The following GRIK1 variants were observed in gnomAD, a reference collection of about 807,000 sequenced individuals.
The protein encoded by GRIK1 is glutamate receptor ionotropic, kainate 1.
GRIK1 carries 69 observed loss-of-function variants against 105.7 expected under a neutral mutation model. The observed-to-expected ratio is 0.65, with a 90% CI of 0.54 to 0.80. The LOEUF (loss-of-function observed/expected upper bound fraction) is 0.80. GRIK1 is among the 30% of genes least tolerant of loss of function. GRIK1 has a pLI of 0.00. For missense variants in GRIK1, 1,109 were observed against 1,167.3 expected, an observed-to-expected ratio of 0.95 and a Z score of 0.73; for synonymous variants, 438 against 431.3, an observed-to-expected ratio of 1.02 and a Z score of -0.19.
chr21:29,765,060 A>C (rs1244952601), intron 1 of GRIK1, among the ~76,000 whole-genome samples: 3 of 152,200 alleles, frequency 2.0e-5, no homozygotes, highest in African/African-American at 4.8e-5. Flanking sequence ...ATAGTGAGAT[A>C]TATTTCCTTT....
chr21:29,880,403 T>TC (rs376700321), intron 1 of GRIK1, among the ~76,000 whole-genome samples: 187 of 152,232 alleles, frequency 1.2e-3, no homozygotes, highest in African/African-American at 4.3e-3. Flanking sequence ...AATTCCAATT[T>TC]CCTATGATCA....
At chr21:29,904,349 TG>T (rs1325442884) in intron 1 of GRIK1, among the ~76,000 whole-genome samples, 1 of 151,982 alleles carries the variant, frequency 6.6e-6, no homozygotes, top group Non-Finnish European at 1.5e-5. Flanking sequence ...AACCTAAATT[TG>T]TTTTTTTTTA....
At chr21:29,680,475 A>G (rs370457527) in intron 3 of GRIK1, among the ~76,000 whole-genome samples, 1 of 152,034 alleles carries the variant, frequency 6.6e-6, no homozygotes, top group East Asian at 1.9e-4. Flanking sequence ...CCATATTTCT[A>G]CCTTTGCCTC....
chr21:29,741,913 G>A (rs538015938), intron 1 of GRIK1, among the ~76,000 whole-genome samples: 2 of 152,240 alleles, frequency 1.3e-5, no homozygotes, highest in African/African-American at 4.8e-5. Flanking sequence ...GTTGTTACTT[G>A]CCAGGCCTTT....
intron 16 of GRIK1, among the ~76,000 whole-genome samples, chr21:29,544,898 C>T (rs1402195971): frequency 6.6e-6 from 1 of 152,196 alleles, no homozygotes; most frequent in Non-Finnish European, 1.5e-5. Flanking sequence ...AGGAGGGGCA[C>T]CTCCTCTGCC....
In GRIK1 at chr21:29,693,878, A is replaced by T. The variant is rs762241767; in HGVS notation, c.286+18T>A. 2.5e-6 allele frequency: 4 copies of T among 1,594,000 alleles called. No homozygotes were observed. The Admixed American group carries it at 5.1e-5, about 20-fold the overall frequency. On this transcript the variant is annotated intron_variant, in intron 2 of 17. Coordinates refer to ENST00000327783, the MANE Select transcript of GRIK1 (RefSeq NM_001330994.2). Reference sequence around the variant, plus strand: ...ACATATCACCCAAAGAAGCTTTTAAAAGTGGGAAAATAGTTACCTCTCCGC... The same window carrying T: ...ACATATCACCCAAAGAAGCTTTTAATAGTGGGAAAATAGTTACCTCTCCGC...
chr21:29,762,835 C>T (rs1021091701), intron 1 of GRIK1, among the ~76,000 whole-genome samples: 4 of 152,304 alleles, frequency 2.6e-5, no homozygotes, highest in East Asian at 1.9e-4. Context: ...GAATAAATTC[C>T]TGTCAACGTG....
chr21:29,825,652 G>A (rs920857428), intron 1 of GRIK1, among the ~76,000 whole-genome samples: 3 of 151,966 alleles, frequency 2.0e-5, no homozygotes, highest in African/African-American at 7.2e-5. Flanking sequence ...CATTTTAAGA[G>A]ATTACATAAA....
chr21:29,641,877 G>A (rs940162583), intron 7 of GRIK1, among the ~76,000 whole-genome samples: 3 of 152,132 alleles, frequency 2.0e-5, no homozygotes, highest in African/African-American at 4.8e-5. Context: ...GCAGAGACAC[G>A]AGTCCAAAGC....
At chr21:29,861,352 G>C (rs1253173539) in intron 1 of GRIK1, among the ~76,000 whole-genome samples, 3 of 152,024 alleles carry the variant, frequency 2.0e-5, no homozygotes, top group Non-Finnish European at 4.4e-5. Flanking sequence ...TGTCACCCAG[G>C]TTGGAGTGCA....
intron 1 of GRIK1, among the ~76,000 whole-genome samples, chr21:29,802,829 A>T (rs928771119): frequency 3.9e-5 from 6 of 152,176 alleles, no homozygotes; most frequent in African/African-American, 1.4e-4. Flanking sequence ...CCAAAATTAC[A>T]ACTTAGAATT....
At chr21:29,921,662 A>C (rs1037476606) in intron 1 of GRIK1, among the ~76,000 whole-genome samples, 9 of 152,230 alleles carry the variant, frequency 5.9e-5, no homozygotes, top group Non-Finnish European at 8.8e-5. Context: ...CAGACTTCTA[A>C]CATCTAAAAT....
intron 16 of GRIK1, among the ~76,000 whole-genome samples, chr21:29,545,101 GAGC>G (rs35882523): frequency 0.54 from 82,613 of 151,884 alleles, 25,136 homozygotes; most frequent in Middle Eastern, 0.71. Context: ...GGGTGCTCCA[GAGC>G]AGCTAAAACA....
At position 29,640,487 on chromosome 21, in the gene GRIK1, T is replaced by C. The variant is rs1393571341; in HGVS notation, c.1098+2339A>G. Among the ~76,000 whole-genome samples, 4 of 152,118 alleles carry C rather than the reference T, an allele frequency of 2.6e-5. No individual in the cohort carries two copies. The South Asian group carries it at 6.2e-4, about 24-fold the overall frequency. ...CAATGGTTTCTGATTCATTCCCCCC[T>C]CCCTTCCTGTAACCCCTAACTGTGG... On this transcript the variant is annotated intron_variant, in intron 7 of 17. Transcript: ENST00000327783.
At chr21:29,684,992 G>A (rs2063461907) in intron 3 of GRIK1, among the ~76,000 whole-genome samples, 1 of 151,846 alleles carries the variant, frequency 6.6e-6, no homozygotes. Flanking sequence ...TATTATGTAT[G>A]TATCTATTTA....
At chr21:29,640,815 A>G (rs1467748062) in intron 7 of GRIK1, among the ~76,000 whole-genome samples, 1 of 152,172 alleles carries the variant, frequency 6.6e-6, no homozygotes, top group Non-Finnish European at 1.5e-5. Flanking sequence ...GGACACAACC[A>G]TGATCACTGC....
chr21:29,904,352 T>C (rs1382612209), intron 1 of GRIK1, among the ~76,000 whole-genome samples: 1 of 151,994 alleles, frequency 6.6e-6, no homozygotes, highest in African/African-American at 2.4e-5. Flanking sequence ...CTAAATTTGT[T>C]TTTTTTTAAA....
intron 9 of GRIK1, among the ~76,000 whole-genome samples, chr21:29,595,182 A>C (rs746436327): frequency 2.0e-5 from 3 of 152,078 alleles, no homozygotes; most frequent in Non-Finnish European, 4.4e-5. Context: ...AGAAAGTTAC[A>C]ACCCTCGGGA....
At chr21:29,855,154 C>T (rs571085419) in intron 1 of GRIK1, among the ~76,000 whole-genome samples, 1 of 152,114 alleles carries the variant, frequency 6.6e-6, no homozygotes, top group African/African-American at 2.4e-5. Context: ...TGTATTGGAA[C>T]CCTGTGAGAT....
Sources: allele counts gnomAD v4.1 joint callset (sites outside exome capture counted in the v4.1 genomes callset), GRCh38; gene constraint gnomAD v4.1.1; transcripts MANE v1.5; gene names NCBI Gene and HGNC (gene_info 2026-07-23, HGNC 2026-07-21).